Variants in TBC1D32 observed in about 807,000 individuals in gnomAD.
The protein encoded by TBC1D32 is TBC1 domain family member 32.
Under a neutral mutation model 170.3 loss-of-function variants are expected in TBC1D32, and 151 were observed. The observed-to-expected ratio is 0.89, with a 90% CI of 0.78 to 1.01. TBC1D32 has a LOEUF of 1.01. TBC1D32 is among the 50% of genes least tolerant of loss of function. The pLI is 0.00. For missense variants in TBC1D32, 1,464 were observed against 1,457.1 expected (o/e 1.00, Z -0.08); for synonymous variants, 498 against 488.0 (o/e 1.02, Z -0.27).
chr6:121,269,210 A>G (rs141493762), intron 15 of TBC1D32, among the ~76,000 whole-genome samples: 3,646 of 152,282 alleles, frequency 0.024, 161 homozygotes, highest in East Asian at 0.12. Flanking sequence ...TCAACTAACA[A>G]GCAAAATAAC....
At chr6:121,318,725 GTA>G (rs148389473) in intron 2 of TBC1D32, among the ~76,000 whole-genome samples, 3,742 of 148,796 alleles carry the variant, frequency 0.025, 161 homozygotes, top group East Asian at 0.12. Flanking sequence ...ATGTTTATGT[GTA>G]TATATATATA....
chr6:121,329,293 A>G (rs1810892251), intron 1 of TBC1D32, among the ~76,000 whole-genome samples: 1 of 152,186 alleles, frequency 6.6e-6, no homozygotes, highest in Non-Finnish European at 1.5e-5. Context: ...TTACAACATA[A>G]GTACATTAAA....
rs79537086 is a variant in TBC1D32 at position 121,119,105 on chromosome 6, T to C, written c.2984-3864A>G. On this transcript the variant is annotated intron_variant, in intron 26 of 31. Coordinates refer to ENST00000398212, the MANE Select transcript of TBC1D32 (RefSeq NM_152730.6). ...CATGATGGCACCAATTTGACACTGA[T>C]GTCATTTTCTACTGGACACCTGTGG... is the stretch of plus-strand genomic sequence containing the variant. 1.5e-3 allele frequency among the ~76,000 whole-genome samples: 228 copies of C among 152,286 alleles called. 1 individual carries two copies. The highest frequency in any genetic ancestry group is 5.3e-3 in the African/African-American group (221 of 41,566).
chr6:121,321,781 T>C lies in TBC1D32; in HGVS notation c.169A>G (p.Lys57Glu). The C allele has an allele frequency of 6.2e-7, 1 of 1,608,972 alleles. No individual in the cohort carries two copies. The highest frequency in any genetic ancestry group is 2.2e-5 in the East Asian group (1 of 44,746). The change falls in exon 2 of 32, where the codon AAA (lysine) becomes GAA (glutamate). Residue 57 changes from lysine (K) to glutamate (E), a missense_variant. Physicochemically the swap from Lys to Glu is moderately conservative, Grantham distance 56 (BLOSUM62 1). This residue lies in a region of TBC1D32 where 1,363 missense variants were observed against 1,338.1 expected (regional missense o/e 1.02). Coordinates refer to ENST00000398212, the MANE Select transcript of TBC1D32 (RefSeq NM_152730.6). ...DENFHNYEFV[K>E]YLRQHIGNTL... ...TTGCCTATATGCTGCCTGAGGTATT[T>C]CACAAATTCATAGCTGAAACAAATA...
chr6:121,308,037 T>G lies in TBC1D32; in HGVS notation c.629A>C (p.Asn210Thr). ...CAGTTTTTCGCAGAGAGTAGTCCAA[T>G]TTTCACAGTTGAGGACATCAGATGG... ...APPSDVLNCE[N>T]WTTLCEKLTV... The change falls in exon 5 of 32, where the codon AAT (asparagine) becomes ACT (threonine). Residue 210 changes from asparagine to threonine, a missense_variant. This residue lies in a region of TBC1D32 where 1,363 missense variants were observed against 1,338.1 expected (regional missense o/e 1.02). Coordinates refer to ENST00000398212, the MANE Select transcript of TBC1D32 (RefSeq NM_152730.6). 1 of 1,613,910 alleles carries G rather than the reference T, an allele frequency of 6.2e-7. No homozygotes were observed. Among genetic ancestry groups the G allele is most frequent in the South Asian group, 1.1e-5 (1 of 91,060 alleles).
Position 121,299,467 on chromosome 6 carries a change from A to AG in TBC1D32, c.1118_1119insC (p.Glu374Ter), listed in dbSNP as rs1196857769. 30 of 1,508,782 alleles carry AG rather than the reference A, an allele frequency of 2.0e-5. No homozygotes were observed. In the Admixed American group the frequency reaches 5.3e-4, roughly 27 times the overall value. The allele number at this position is 1,508,782 out of a possible 1,614,324, so 93.5% of individuals were successfully genotyped here. ...TTACCAGAGACTTATATTTCGTTTC[A>AG]AGAAGTCTTAATACTGTAGTTCTGC... is the stretch of plus-strand genomic sequence containing the variant. On this transcript the variant is annotated frameshift_variant, in exon 10 of 32. Coordinates refer to ENST00000398212, the MANE Select transcript of TBC1D32 (RefSeq NM_152730.6). LOFTEE classifies it high-confidence loss of function.
chr6:121,287,782 C>A (rs999947012), intron 12 of TBC1D32, among the ~76,000 whole-genome samples: 7 of 152,104 alleles, frequency 4.6e-5, no homozygotes, highest in Non-Finnish European at 5.9e-5. Context: ...TGTAAAAGAA[C>A]AGAAATTATA....
intron 15 of TBC1D32, among the ~76,000 whole-genome samples, chr6:121,261,761 A>C (rs1799798065): frequency 6.6e-6 from 1 of 152,216 alleles, no homozygotes; most frequent in African/African-American, 2.4e-5. Context: ...GCAAGGGCAC[A>C]GAACTGGACG....
chr6:121,138,318 C>T (rs1249144118), intron 24 of TBC1D32, among the ~76,000 whole-genome samples: 1 of 152,070 alleles, frequency 6.6e-6, no homozygotes, highest in Non-Finnish European at 1.5e-5. Flanking sequence ...GATAACTAAG[C>T]ACTTACTATG....
At chr6:121,259,482 T>C (rs2128402001) in intron 15 of TBC1D32, among the ~76,000 whole-genome samples, 1 of 152,270 alleles carries the variant, frequency 6.6e-6, no homozygotes. Context: ...TTAAAAACAG[T>C]TGTTATTGAT....
rs146038497 is a variant in TBC1D32 at position 121,127,067 on chromosome 6, G to A, written c.2900-606C>T. ...TACAATATAATTAATATGCAACCCA[G>A]AGTTTGTTGTGGTTTTGAGTTTTTT... On this transcript the variant is annotated intron_variant, in intron 25 of 31. Transcript: ENST00000398212. 2.1e-3 allele frequency among the ~76,000 whole-genome samples: 315 copies of A among 152,228 alleles called. 1 individual carries two copies. Among genetic ancestry groups the A allele is most frequent in the African/African-American group, 7.3e-3 (303 of 41,562 alleles).
intron 24 of TBC1D32, among the ~76,000 whole-genome samples, chr6:121,154,691 T>A (rs1008481736): frequency 2.6e-5 from 4 of 152,180 alleles, no homozygotes; most frequent in Non-Finnish European, 5.9e-5. Flanking sequence ...CAAAAATTGA[T>A]AAGTGCAACC....
intron 20 of TBC1D32, among the ~76,000 whole-genome samples, chr6:121,223,919 T>C (rs1380251676): frequency 6.6e-6 from 1 of 152,162 alleles, no homozygotes; most frequent in Non-Finnish European, 1.5e-5. Flanking sequence ...TTCACTCTCA[T>C]TGCATCTTAT....
chr6:121,190,348 G>C (rs1184982603), intron 22 of TBC1D32, among the ~76,000 whole-genome samples: 10 of 97,524 alleles, frequency 1.0e-4, no homozygotes, highest in South Asian at 3.2e-4. Flanking sequence ...GCCCCCCACC[G>C]TTCTTCCCTC....
intron 22 of TBC1D32, among the ~76,000 whole-genome samples, chr6:121,169,357 G>T (rs1786626561): frequency 6.6e-6 from 1 of 152,084 alleles, no homozygotes; most frequent in Non-Finnish European, 1.5e-5. Flanking sequence ...GGGAGAACTG[G>T]CTATCTATTT....
intron 22 of TBC1D32, among the ~76,000 whole-genome samples, chr6:121,199,161 G>T (rs1323762155): frequency 2.6e-5 from 4 of 151,388 alleles, no homozygotes; most frequent in African/African-American, 9.8e-5. Context: ...TATTTCTACA[G>T]ATTTGTTGTG....
At chr6:121,223,965 A>G (rs559167998) in intron 20 of TBC1D32, among the ~76,000 whole-genome samples, 1 of 152,182 alleles carries the variant, frequency 6.6e-6, no homozygotes, top group South Asian at 2.1e-4. Context: ...AGGCACATTT[A>G]CTCTTGGGCT....
intron 29 of TBC1D32, among the ~76,000 whole-genome samples, chr6:121,107,041 C>T (rs1434496644): frequency 6.6e-6 from 1 of 151,554 alleles, no homozygotes; most frequent in Non-Finnish European, 1.5e-5. Context: ...ATTATATCAA[C>T]AAAAAAAGTT....
chr6:121,103,694 T>G (rs888378245), intron 30 of TBC1D32, among the ~76,000 whole-genome samples: 6 of 152,040 alleles, frequency 3.9e-5, no homozygotes, highest in Admixed American at 6.6e-5. Flanking sequence ...ATAACAAACC[T>G]GCACGTTGTG....
Sources: gnomAD v4.1 joint callset for allele counts (sites outside exome capture counted in the v4.1 genomes callset) on GRCh38, gnomAD v4.1.1 for gene constraint, gnomAD v4.1.1 regional missense constraint, MANE v1.5 for transcripts, NCBI Gene and HGNC (gene_info 2026-07-23, HGNC 2026-07-21) for gene names.